The following SMIM31 variants were observed in gnomAD, a reference collection of about 807,000 sequenced individuals.
SMIM31 encodes the protein small integral membrane protein 31.
chr4:164,758,177 C>G (rs935894790), intron 1 of SMIM31, among the ~76,000 whole-genome samples: 1 of 151,510 alleles, frequency 6.6e-6, no homozygotes, highest in Admixed American at 6.6e-5. Context: ...TTTTATTTTA[C>G]AATTATTGAG....
At chr4:164,798,933 C>A (rs1318087113) in intron 2 of SMIM31, among the ~76,000 whole-genome samples, 1 of 152,108 alleles carries the variant, frequency 6.6e-6, no homozygotes, top group Non-Finnish European at 1.5e-5. Context: ...TTACCCCTCA[C>A]CCTCTTGTTC....
At chr4:164,788,034 C>G (rs1483476125) in intron 2 of SMIM31, among the ~76,000 whole-genome samples, 1 of 152,170 alleles carries the variant, frequency 6.6e-6, no homozygotes, top group Non-Finnish European at 1.5e-5. Context: ...TCCCCACCAT[C>G]CTCAGTTTTA....
rs774188679 is a variant in SMIM31 at position 164,803,724 on chromosome 4, G to C, written c.*2530G>C. The C allele has an allele frequency of 6.6e-6, 1 of 152,232 alleles. No homozygotes were observed. Among genetic ancestry groups the C allele is most frequent in the Non-Finnish European group, 1.5e-5 (1 of 68,114 alleles). The allele number at this position is 152,232 out of a possible 1,614,324, so 9.4% of individuals were successfully genotyped here. A position where few individuals can be genotyped will look rare whatever the true frequency, so the allele number is the denominator to read the frequency against. On this transcript the variant is annotated 3_prime_UTR_variant, in exon 3 of 3. Coordinates refer to ENST00000507311, the MANE Select transcript of SMIM31 (RefSeq NM_001352885.1). ...GCAGGAGAATCACTTGAACCTGGGA[G>C]GCGGAGGTTGTAGTGAGCCAAGATT...
At chr4:164,799,350 A>C (rs1733253460) in intron 2 of SMIM31, among the ~76,000 whole-genome samples, 1 of 152,046 alleles carries the variant, frequency 6.6e-6, no homozygotes, top group South Asian at 2.1e-4. Context: ...ACGCCACTGC[A>C]CTCCAGCCTG....
At chr4:164,788,341 A>G (rs1013155240) in intron 2 of SMIM31, among the ~76,000 whole-genome samples, 2 of 152,094 alleles carry the variant, frequency 1.3e-5, no homozygotes, top group Non-Finnish European at 2.9e-5. Context: ...GAGAGATATT[A>G]GAATTTTCAT....
intron 1 of SMIM31, among the ~76,000 whole-genome samples, chr4:164,764,898 T>C (rs1449981470): frequency 6.6e-6 from 1 of 152,190 alleles, no homozygotes; most frequent in Non-Finnish European, 1.5e-5. Context: ...TTTTAGCTGA[T>C]ATAGAGTTTT....
At chr4:164,758,372 C>G (rs528382359) in intron 1 of SMIM31, among the ~76,000 whole-genome samples, 1 of 151,948 alleles carries the variant, frequency 6.6e-6, no homozygotes, top group Non-Finnish European at 1.5e-5. Flanking sequence ...TTATTTCTAA[C>G]TTTATTGCAT....
At chr4:164,756,380 C>T (rs28412363) in intron 1 of SMIM31, among the ~76,000 whole-genome samples, 8,412 of 151,994 alleles carry the variant, frequency 0.055, 458 homozygotes, top group African/African-American at 0.14. Flanking sequence ...ACCATCCTGG[C>T]TAACATGGTG....
chr4:164,755,459 T>C (rs1732545805), intron 1 of SMIM31, among the ~76,000 whole-genome samples: 1 of 143,898 alleles, frequency 6.9e-6, no homozygotes, highest in African/African-American at 2.6e-5. Context: ...CAGCCTGGGC[T>C]ACAGAGGGAG....
At chr4:164,799,103 T>G (rs1733249243) in intron 2 of SMIM31, among the ~76,000 whole-genome samples, 1 of 151,952 alleles carries the variant, frequency 6.6e-6, no homozygotes, top group African/African-American at 2.4e-5. Context: ...AATTACCCAG[T>G]CTCTGGGCAT....
chr4:164,757,521 CT>C (rs145198184), intron 1 of SMIM31, among the ~76,000 whole-genome samples: 5,491 of 146,190 alleles, frequency 0.038, 291 homozygotes, highest in African/African-American at 0.13. Context: ...CTCCACTATG[CT>C]TTTTTTTTTA....
intron 1 of SMIM31, among the ~76,000 whole-genome samples, chr4:164,758,947 C>T (rs1732609961): frequency 6.6e-6 from 1 of 150,834 alleles, no homozygotes; most frequent in South Asian, 2.1e-4. Context: ...GGATTACAGG[C>T]ATGAGCCACC....
At chr4:164,795,064 CT>C (rs2110962590) in intron 2 of SMIM31, among the ~76,000 whole-genome samples, 1 of 152,150 alleles carries the variant, frequency 6.6e-6, no homozygotes, top group South Asian at 2.1e-4. Context: ...ACTAATAAAT[CT>C]CTATTTTTAC....
At chr4:164,780,519 T>C (rs576334538) in intron 2 of SMIM31, among the ~76,000 whole-genome samples, 1 of 152,374 alleles carries the variant, frequency 6.6e-6, no homozygotes, top group African/African-American at 2.4e-5. Flanking sequence ...TGAAGGCCTT[T>C]GTAGATCAAT....
intron 2 of SMIM31, among the ~76,000 whole-genome samples, chr4:164,773,296 C>G (rs934252477): frequency 2.6e-5 from 4 of 152,120 alleles, no homozygotes; most frequent in African/African-American, 9.7e-5. Flanking sequence ...GGTAATTCTG[C>G]CTTTCGAAAA....
At chr4:164,765,164 C>A (rs1579061876) in intron 1 of SMIM31, among the ~76,000 whole-genome samples, 2 of 152,106 alleles carry the variant, frequency 1.3e-5, no homozygotes, top group East Asian at 3.9e-4. Flanking sequence ...CATGGAGTTG[C>A]CCAAAGAAAC....
rs566320880 is a variant in SMIM31 at position 164,803,597 on chromosome 4, C to A, written c.*2403C>A. The A allele has an allele frequency of 2.6e-5, 4 of 152,178 alleles. No individual in the cohort carries two copies. The highest frequency in any genetic ancestry group is 9.6e-5 in the African/African-American group (4 of 41,510). The allele number at this position is 152,178 out of a possible 1,614,324, so 9.4% of individuals were successfully genotyped here. A position where few individuals can be genotyped will look rare whatever the true frequency, so the allele number is the denominator to read the frequency against. ...ATCACCTGAGGTCAAGAGTTAGAGA[C>A]CAGCCTGGCCAAGATGGTGAAACCT... On this transcript the variant is annotated 3_prime_UTR_variant, in exon 3 of 3. Transcript: ENST00000507311.
At chr4:164,782,298 A>C (rs906242206) in intron 2 of SMIM31, among the ~76,000 whole-genome samples, 2 of 152,114 alleles carry the variant, frequency 1.3e-5, no homozygotes, top group African/African-American at 4.8e-5. Flanking sequence ...TCACAAAAAA[A>C]AAAGTGAATT....
At chr4:164,797,230 T>G (rs1283489700) in intron 2 of SMIM31, among the ~76,000 whole-genome samples, 2 of 152,160 alleles carry the variant, frequency 1.3e-5, no homozygotes, top group African/African-American at 4.8e-5. Flanking sequence ...AAAGTTTTAT[T>G]TTTTTATATC....
Sources: allele counts gnomAD v4.1 joint callset (sites outside exome capture counted in the v4.1 genomes callset), GRCh38; gene constraint gnomAD v4.1.1; transcripts MANE v1.5; gene names NCBI Gene and HGNC (gene_info 2026-07-23, HGNC 2026-07-21).